FER: variants seen among roughly 807,000 people sequenced by gnomAD.
FER encodes tyrosine-protein kinase Fer.
Under a neutral mutation model 111.0 loss-of-function variants are expected in FER, and 63 were observed. That is an observed-to-expected ratio of 0.57 (90% CI 0.46 to 0.70). The LOEUF (loss-of-function observed/expected upper bound fraction) is 0.70, where lower values mean the gene tolerates loss of function less well. FER is among the 30% of genes least tolerant of loss of function. The probability of loss-of-function intolerance (pLI) is 0.00; values close to 1 mark genes in which losing one functional copy is unlikely to be tolerated. For synonymous variants in FER, 327 were observed against 313.9 expected (o/e 1.04, Z -0.44); for missense variants, 914 against 954.0 (o/e 0.96, Z 0.55).
At chr5:108,854,017 T>C (rs1164017248) in intron 5 of FER, among the ~76,000 whole-genome samples, 3 of 152,176 alleles carry the variant, frequency 2.0e-5, no homozygotes, top group African/African-American at 7.2e-5. Flanking sequence ...TGAGAAGTGC[T>C]CAAATTCTGT....
chr5:108,916,779 A>G (rs1050277184), intron 10 of FER, among the ~76,000 whole-genome samples: 4 of 152,262 alleles, frequency 2.6e-5, no homozygotes, highest in Admixed American at 6.5e-5. Context: ...ATGGCATAAG[A>G]TGAAATTCAA....
intron 16 of FER, among the ~76,000 whole-genome samples, chr5:109,072,834 C>T (rs1043153906): frequency 6.6e-6 from 1 of 152,054 alleles, no homozygotes; most frequent in Non-Finnish European, 1.5e-5. Context: ...CATGCTCCCT[C>T]CAAAAGCTCT....
intron 16 of FER, among the ~76,000 whole-genome samples, chr5:109,097,478 T>G (rs1367823448): frequency 6.6e-6 from 1 of 151,954 alleles, no homozygotes; most frequent in African/African-American, 2.4e-5. Context: ...GTATGCTATA[T>G]GTATCCATAT....
Position 109,106,204 on chromosome 5 carries a change from A to G in FER, c.2048+5685A>G, listed in dbSNP as rs1201348453. Among the ~76,000 whole-genome samples, 5 of 152,254 alleles carry G rather than the reference A, an allele frequency of 3.3e-5. No homozygotes were observed. In the East Asian group the frequency reaches 5.8e-4, roughly 18 times the overall value. Reference sequence around the variant, plus strand: ...TTATATTTAACATCTGCACTCTGTAATGATCATGAGCAAAAACAGAAGAGG... The same window carrying G: ...TTATATTTAACATCTGCACTCTGTAGTGATCATGAGCAAAAACAGAAGAGG... On this transcript the variant is annotated intron_variant, in intron 17 of 19. Transcript: ENST00000281092.
At chr5:108,754,732 A>G (rs1750893777) in intron 1 of FER, among the ~76,000 whole-genome samples, 1 of 152,202 alleles carries the variant, frequency 6.6e-6, no homozygotes, top group African/African-American at 2.4e-5. Flanking sequence ...TCTAGTGTAA[A>G]TCATTTTGCT....
chr5:109,071,915 T>C (rs1775810625), intron 16 of FER, among the ~76,000 whole-genome samples: 1 of 151,630 alleles, frequency 6.6e-6, no homozygotes, highest in South Asian at 2.1e-4. Flanking sequence ...CATGAGGGAA[T>C]TTTTCTTCCT....
At chr5:108,999,198 T>C (rs1764393703) in intron 13 of FER, among the ~76,000 whole-genome samples, 1 of 152,202 alleles carries the variant, frequency 6.6e-6, no homozygotes, top group Non-Finnish European at 1.5e-5. Flanking sequence ...AATTTTATAC[T>C]GTTACTTCAC....
At chr5:108,960,923 C>T in intron 13 of FER, among the ~76,000 whole-genome samples, 1 of 152,046 alleles carries the variant, frequency 6.6e-6, no homozygotes, top group East Asian at 1.9e-4. Flanking sequence ...GTATATATCT[C>T]TTAAAAATAC....
intron 16 of FER, among the ~76,000 whole-genome samples, chr5:109,098,512 A>G (rs900394194): frequency 6.6e-6 from 1 of 151,746 alleles, no homozygotes; most frequent in Non-Finnish European, 1.5e-5. Flanking sequence ...ATGTGGTTTC[A>G]AAAGCAGAAG....
intron 8 of FER, among the ~76,000 whole-genome samples, chr5:108,880,726 AAT>A (rs146917908): frequency 4.0e-5 from 6 of 151,708 alleles, no homozygotes; most frequent in Non-Finnish European, 5.9e-5. Flanking sequence ...ATGTCTTATG[AAT>A]ATATATATAT....
Position 109,036,906 on chromosome 5 carries a change from C to G in FER, c.1657-516C>G, listed in dbSNP as rs187139758. ...ATTGGTGTTTGTTGCTTTATTATAC[C>G]ACAGGAGATTACTTGGGAAAGATAT... is the stretch of plus-strand genomic sequence containing the variant. On this transcript the variant is annotated intron_variant, in intron 13 of 19. Transcript: ENST00000281092. Among the ~76,000 whole-genome samples, 7 of 151,986 alleles carry G rather than the reference C, an allele frequency of 4.6e-5. No homozygotes were observed. In the East Asian group the frequency reaches 1.4e-3, roughly 29 times the overall value.
intron 16 of FER, among the ~76,000 whole-genome samples, chr5:109,091,525 C>G (rs1052112872): frequency 7.9e-5 from 12 of 152,302 alleles, no homozygotes; most frequent in Admixed American, 5.2e-4. Context: ...CCACAGAGAG[C>G]CCCGACTAGA....
chr5:109,164,533 T>C (rs749774827), intron 17 of FER, among the ~76,000 whole-genome samples: 7 of 152,214 alleles, frequency 4.6e-5, no homozygotes, highest in African/African-American at 7.2e-5. Context: ...TCTATATCTG[T>C]ATTGAATTGT....
At chr5:108,961,543 G>A (rs1178430763) in intron 13 of FER, among the ~76,000 whole-genome samples, 2 of 152,134 alleles carry the variant, frequency 1.3e-5, no homozygotes, top group Non-Finnish European at 2.9e-5. Flanking sequence ...ACTGGATGCT[G>A]TAGAAATTAA....
chr5:109,014,495 T>C (rs2149811878), intron 13 of FER, among the ~76,000 whole-genome samples: 1 of 152,276 alleles, frequency 6.6e-6, no homozygotes, highest in South Asian at 2.1e-4. Context: ...CCTTGTAGTA[T>C]AGTTTGAAGT....
chr5:108,876,261 A>T (rs1002901886), intron 8 of FER, among the ~76,000 whole-genome samples: 1 of 152,234 alleles, frequency 6.6e-6, no homozygotes, highest in Non-Finnish European at 1.5e-5. Context: ...AAATTATGTG[A>T]TGTTTAAATA....
At chr5:109,014,315 C>G (rs1245533802) in intron 13 of FER, among the ~76,000 whole-genome samples, 8 of 152,164 alleles carry the variant, frequency 5.3e-5, no homozygotes, top group Non-Finnish European at 1.0e-4. Flanking sequence ...AGCCAGTTTT[C>G]CCAGCACCAT....
chr5:108,843,477 A>T (rs1460068462), intron 5 of FER, among the ~76,000 whole-genome samples: 1 of 152,016 alleles, frequency 6.6e-6, no homozygotes, highest in Admixed American at 6.6e-5. Context: ...AATGCCAGAG[A>T]TATAAAAATG....
At chr5:109,144,844 A>T (rs1032531995) in intron 17 of FER, among the ~76,000 whole-genome samples, 4 of 152,098 alleles carry the variant, frequency 2.6e-5, no homozygotes, top group Non-Finnish European at 5.9e-5. Context: ...TATTGATTCT[A>T]ATTCCAAATC....
Sources: gnomAD v4.1 joint callset for allele counts (sites outside exome capture counted in the v4.1 genomes callset) on GRCh38, gnomAD v4.1.1 for gene constraint, MANE v1.5 for transcripts, NCBI Gene and HGNC (gene_info 2026-07-23, HGNC 2026-07-21) for gene names.